Variants in ADGRE1 observed in about 807,000 individuals in gnomAD.
ADGRE1 encodes EGF-like module receptor 1.
ADGRE1 carries 82 observed loss-of-function variants against 102.7 expected under a neutral mutation model. The observed-to-expected ratio is 0.80, with a 90% confidence interval of 0.67 to 0.96. The LOEUF (loss-of-function observed/expected upper bound fraction) is 0.96. Ranked by LOEUF, ADGRE1 falls within the 40% of genes least tolerant of loss-of-function variation. ADGRE1 has a pLI of 0.00. For missense variants in ADGRE1, 1,032 were observed against 1,085.3 expected (o/e 0.95, Z 0.69); for synonymous variants, 398 against 399.6 (o/e 1.00, Z 0.05).
chr19:6,898,267 T>C lies in ADGRE1; in HGVS notation c.514+720T>C, dbSNP rs1973641867. ...TTTTTTGGCAAAATACAGTCTTCTATCTAGTATAAGTGAATTTGTAACTCC... is the reference window on the plus strand; with the variant it reads ...TTTTTTGGCAAAATACAGTCTTCTACCTAGTATAAGTGAATTTGTAACTCC... On this transcript the variant is annotated intron_variant, in intron 5 of 20. Coordinates refer to ENST00000312053, the MANE Select transcript of ADGRE1 (RefSeq NM_001974.5). 3.8e-6 allele frequency: 6 copies of C among 1,565,092 alleles called. No individual in the cohort carries two copies. In the South Asian group the frequency reaches 4.5e-5, roughly 12 times the overall value.
intron 15 of ADGRE1, among the ~76,000 whole-genome samples, chr19:6,925,456 C>T (rs1974859611): frequency 6.6e-6 from 1 of 152,112 alleles, no homozygotes; most frequent in Non-Finnish European, 1.5e-5. Context: ...AGGTTCTCTC[C>T]CTGGGTGCTT....
At chr19:6,911,651 A>C (rs925945937) in intron 10 of ADGRE1, among the ~76,000 whole-genome samples, 6 of 151,276 alleles carry the variant, frequency 4.0e-5, no homozygotes, top group African/African-American at 1.5e-4. Context: ...ATATACACAC[A>C]TGCGCACACA....
At chr19:6,929,520 CAT>C (rs1020467038) in intron 17 of ADGRE1, among the ~76,000 whole-genome samples, 27 of 103,388 alleles carry the variant, frequency 2.6e-4, no homozygotes, top group African/African-American at 1.5e-3. Flanking sequence ...ACGGAGCTGC[CAT>C]TTTTTTTTTC....
Position 6,902,014 on chromosome 19 carries a change from G to T in ADGRE1, c.654G>T (p.Ser218=), listed in dbSNP as rs149592085. Residue 218 remains serine (S), a synonymous_variant, in exon 6 of 21, where the codon TCG becomes TCT. Coordinates refer to ENST00000312053, the MANE Select transcript of ADGRE1 (RefSeq NM_001974.5). ...TGAGTTTCCAGGGTCTCAAAGCATCGTGTGAAGGTAGGTGGGGGTGTCTTC... is the reference window on the plus strand; with the variant it reads ...TGAGTTTCCAGGGTCTCAAAGCATCTTGTGAAGGTAGGTGGGGGTGTCTTC... ...GHLSFQGLKA[S]CEDIDECTEM... The T allele has an allele frequency of 7.4e-6, 12 of 1,614,026 alleles. No individual in the cohort carries two copies. The highest frequency in any genetic ancestry group is 1.3e-5 in the African/African-American group (1 of 74,914).
In ADGRE1 at chr19:6,935,489, G is replaced by GT. The variant is rs1190811224; in HGVS notation, c.2381+411_2381+412insT. ...TGAATCATACTATTTTGTTTTTTAT[G>GT]GTTTTTTTTCTCTCGAGAATGTCCT... On this transcript the variant is annotated intron_variant, in intron 18 of 20. Transcript: ENST00000312053. Among the ~76,000 whole-genome samples, 725 of 152,002 alleles carry GT rather than the reference G, an allele frequency of 4.8e-3. 8 individuals are homozygous for GT. The highest frequency in any genetic ancestry group is 0.015 in the African/African-American group (635 of 41,464).
intron 16 of ADGRE1, 42 bp from the exon 17 acceptor site, chr19:6,928,103 G>A (rs1438575351): frequency 1.9e-6 from 3 of 1,597,282 alleles, no homozygotes; most frequent in Non-Finnish European, 2.6e-6. Flanking sequence ...GTAAGGTCAG[G>A]ACTCTGAGAC....
Position 6,904,967 on chromosome 19 carries a change from C to T in ADGRE1, c.949+785C>T, listed in dbSNP as rs77648907. On this transcript the variant is annotated intron_variant, in intron 8 of 20. Transcript: ENST00000312053. The stretch of plus-strand genomic sequence containing the variant: ...GATGCAAAGGTCCTGAGGCTCACAC[C>T]AAATGAGGACAAGGGGAAGTGGCAG... Among the ~76,000 whole-genome samples, 1,023 of 151,968 alleles carry T rather than the reference C, an allele frequency of 6.7e-3. 11 individuals carry two copies. Among genetic ancestry groups the T allele is most frequent in the African/African-American group, 0.019 (769 of 41,432 alleles).
intron 14 of ADGRE1, among the ~76,000 whole-genome samples, chr19:6,923,132 C>T (rs948039439): frequency 3.3e-5 from 5 of 152,148 alleles, no homozygotes; most frequent in African/African-American, 4.8e-5. Flanking sequence ...TAATTCCCTA[C>T]CAGAGAGGCC....
At chr19:6,908,331 C>G (rs1162768589) in intron 9 of ADGRE1, among the ~76,000 whole-genome samples, 2 of 152,208 alleles carry the variant, frequency 1.3e-5, no homozygotes, top group Admixed American at 1.3e-4. Context: ...AGGCTCTCAG[C>G]TCTGAAGGCT....
intron 15 of ADGRE1, 25 bp from the exon 16 acceptor site, chr19:6,926,341 T>C (rs1423632683): frequency 6.2e-7 from 1 of 1,611,460 alleles, no homozygotes; most frequent in Non-Finnish European, 8.5e-7. Flanking sequence ...TGGAGGATTC[T>C]GATGCGCATG....
Position 6,940,007 on chromosome 19 carries a change from T to G in ADGRE1, c.2656-17T>G. 6.2e-7 allele frequency: 1 copy of G among 1,613,910 alleles called. No homozygotes were observed. The highest frequency in any genetic ancestry group is 8.5e-7 in the Non-Finnish European group (1 of 1,179,888). ...ATTCTGCTGCAGACTCTGAGGAAAT[T>G]CTTTTCTCTCTCACAGGGTTAAAGT... is the stretch of plus-strand genomic sequence containing the variant. On this transcript the variant is annotated splice_polypyrimidine_tract_variant and intron_variant, in intron 20 of 20. Transcript: ENST00000312053.
intron 11 of ADGRE1, 75 bp from the exon 12 acceptor site, chr19:6,916,173 CT>C (rs1414281367): frequency 1.3e-4 from 193 of 1,533,628 alleles, no homozygotes; most frequent in Non-Finnish European, 1.6e-4. Context: ...GGAGGTGTAC[CT>C]TTTTTTGGAC....
At chr19:6,903,459 C>T (rs1973840380) in intron 6 of ADGRE1, among the ~76,000 whole-genome samples, 1 of 152,172 alleles carries the variant, frequency 6.6e-6, no homozygotes, top group African/African-American at 2.4e-5. Context: ...TGGTGGGCAG[C>T]TTTTCTCCAC....
intron 14 of ADGRE1, among the ~76,000 whole-genome samples, chr19:6,922,118 A>G (rs1361301288): frequency 6.6e-6 from 1 of 152,194 alleles, no homozygotes; most frequent in Non-Finnish European, 1.5e-5. Context: ...AGGGCCAGGC[A>G]CTGGAGCAAT....
chr19:6,898,298 T>G, intron 5 of ADGRE1: 1 of 1,596,104 alleles, frequency 6.3e-7, no homozygotes, highest in Admixed American at 1.7e-5. Flanking sequence ...ACTCCAATTC[T>G]CTGTCTAGAT....
chr19:6,914,134 C>T (rs989717291), intron 11 of ADGRE1, among the ~76,000 whole-genome samples: 1 of 152,206 alleles, frequency 6.6e-6, no homozygotes, highest in Admixed American at 6.5e-5. Flanking sequence ...TCCTGTTTGC[C>T]CTGCTGGGCC....
At chr19:6,925,831 G>A (rs939612155) in intron 15 of ADGRE1, among the ~76,000 whole-genome samples, 3 of 151,978 alleles carry the variant, frequency 2.0e-5, no homozygotes, top group Admixed American at 2.0e-4. Context: ...AAGTACCTGG[G>A]ACCACAGGCC....
intron 2 of ADGRE1, among the ~76,000 whole-genome samples, chr19:6,894,355 A>C (rs2144886216): frequency 6.6e-6 from 1 of 152,266 alleles, no homozygotes; most frequent in South Asian, 2.1e-4. Flanking sequence ...ATGAAGGAGC[A>C]ACTCACTGAA....
chr19:6,933,385 CTTTTTTT>C (rs34493324), intron 17 of ADGRE1, among the ~76,000 whole-genome samples: 4 of 129,894 alleles, frequency 3.1e-5, no homozygotes, highest in African/African-American at 1.2e-4. Context: ...AGTGTGAAGA[CTTTTTTT>C]TTTTTTTTTT....
Sources: allele counts gnomAD v4.1 joint callset (sites outside exome capture counted in the v4.1 genomes callset), GRCh38; gene constraint gnomAD v4.1.1; transcripts MANE v1.5; gene names NCBI Gene and HGNC (gene_info 2026-07-23, HGNC 2026-07-21).